ALPL: variants seen among roughly 807,000 people sequenced by gnomAD.
ALPL encodes alkaline phosphatase, tissue-nonspecific isozyme.
A neutral mutation model predicts 51.3 loss-of-function variants in ALPL; 42 were observed. The observed-to-expected ratio is 0.82, with a 90% CI of 0.64 to 1.06. ALPL has a LOEUF of 1.06. Ranked by LOEUF, ALPL falls within the 50% of genes least tolerant of loss-of-function variation. ALPL has a pLI of 0.00. For synonymous variants in ALPL, 279 were observed against 296.4 expected (o/e 0.94, Z 0.60); for missense variants, 589 against 709.4 (o/e 0.83, Z 1.93).
chr1:21,564,554 C>T lies in ALPL; in HGVS notation c.648+338C>T, dbSNP rs935325675. Among the ~76,000 whole-genome samples the T allele has an allele frequency of 6.6e-6, 1 of 152,190 alleles. No individual in the cohort carries two copies. The highest frequency in any genetic ancestry group is 6.5e-5 in the Admixed American group (1 of 15,284). ...GGCCAAGTGTCGTCTGCCTGCCCTGCGTATTCACATGGTCACAGATGGGTA... is the reference window on the plus strand; with the variant it reads ...GGCCAAGTGTCGTCTGCCTGCCCTGTGTATTCACATGGTCACAGATGGGTA... On this transcript the variant is annotated intron_variant, in intron 6 of 11. Coordinates refer to ENST00000374840, the MANE Select transcript of ALPL (RefSeq NM_000478.6). The surrounding 1 kb of genome is among the most constrained non-coding windows in gnomAD (Gnocchi z 5.8).
At position 21,564,356 on chromosome 1, in the gene ALPL, G is replaced by A; in HGVS notation, c.648+140G>A. On this transcript the variant is annotated intron_variant, in intron 6 of 11. Transcript: ENST00000374840. The surrounding 1 kb of genome is among the most constrained non-coding windows in gnomAD (Gnocchi z 5.8). ...CCTGGGAGGCTCCCAGCCCATTAGG[G>A]GATTTGCGGTTGGGCAGGCAGGCAC... The A allele has an allele frequency of 8.8e-7, 1 of 1,140,872 alleles. No individual in the cohort carries two copies. The allele number at this position is 1,140,872 out of a possible 1,614,324, so 70.7% of individuals were successfully genotyped here. A position where few individuals can be genotyped will look rare whatever the true frequency, so the allele number is the denominator to read the frequency against.
intron 1 of ALPL, among the ~76,000 whole-genome samples, chr1:21,521,983 G>A (rs1162110204): frequency 3.9e-5 from 6 of 152,110 alleles, no homozygotes; most frequent in Non-Finnish European, 5.9e-5. Context: ...GAGTCCCTAA[G>A]TGAAAGGTCA....
At chr1:21,570,024 G>T (rs1570289027) in intron 7 of ALPL, among the ~76,000 whole-genome samples, 1 of 152,106 alleles carries the variant, frequency 6.6e-6, no homozygotes, top group African/African-American at 2.4e-5. Context: ...GTCCTCCAGG[G>T]ACCCATTAGA....
chr1:21,523,463 G>A (rs987264661), intron 1 of ALPL, among the ~76,000 whole-genome samples: 7 of 152,172 alleles, frequency 4.6e-5, no homozygotes, highest in African/African-American at 1.2e-4. Context: ...GTAGTTCCTG[G>A]TACCTCTGCT....
chr1:21,564,754 C>T lies in ALPL; in HGVS notation c.648+538C>T, dbSNP rs1644539266. On this transcript the variant is annotated intron_variant, in intron 6 of 11. Transcript: ENST00000374840. The surrounding 1 kb of genome is among the most constrained non-coding windows in gnomAD (Gnocchi z 5.8). ...TCTCTGAGGCTTCCCTTTCACAACT[C>T]CTTTGTGAACTGTACCTGCCTCATA... 6.6e-6 allele frequency among the ~76,000 whole-genome samples: 1 copy of T among 152,206 alleles called. No individual in the cohort carries two copies.
chr1:21,559,865 G>T (rs563492656), intron 2 of ALPL, among the ~76,000 whole-genome samples: 1 of 152,266 alleles, frequency 6.6e-6, no homozygotes, highest in East Asian at 1.9e-4. Flanking sequence ...GCTGTGGATT[G>T]GTTGCTGGAC....
At chr1:21,556,460 G>C (rs185279868) in intron 2 of ALPL, among the ~76,000 whole-genome samples, 172 of 152,070 alleles carry the variant, frequency 1.1e-3, no homozygotes, top group African/African-American at 3.3e-3. Flanking sequence ...GGGCAACATA[G>C]TGAGACCTCC....
intron 1 of ALPL, among the ~76,000 whole-genome samples, chr1:21,514,999 G>A (rs1269473543): frequency 6.6e-6 from 1 of 152,050 alleles, no homozygotes; most frequent in African/African-American, 2.4e-5. Flanking sequence ...ATAAGGCCGT[G>A]GAGACCCTGT....
At chr1:21,514,921 G>T (rs1435543437) in intron 1 of ALPL, among the ~76,000 whole-genome samples, 2 of 152,112 alleles carry the variant, frequency 1.3e-5, no homozygotes, top group Non-Finnish European at 2.9e-5. Flanking sequence ...CCTCCCCTAG[G>T]TCTCTATGCC....
At chr1:21,543,640 C>T (rs1423740814) in intron 1 of ALPL, among the ~76,000 whole-genome samples, 1 of 152,160 alleles carries the variant, frequency 6.6e-6, no homozygotes, top group Non-Finnish European at 1.5e-5. Context: ...CTTCATGCAC[C>T]GCCTAGTCAA....
At chr1:21,572,903 A>ATG (rs766594332) in intron 8 of ALPL, among the ~76,000 whole-genome samples, 3 of 148,600 alleles carry the variant, frequency 2.0e-5, no homozygotes, top group Non-Finnish European at 4.4e-5. Context: ...CAACATGTAA[A>ATG]TGCACACACA....
At chr1:21,512,216 G>GT (rs1643702644) in intron 1 of ALPL, among the ~76,000 whole-genome samples, 1 of 151,834 alleles carries the variant, frequency 6.6e-6, no homozygotes, top group Admixed American at 6.6e-5. Flanking sequence ...TGTTAGATTT[G>GT]TTTTTTTTCT....
intron 8 of ALPL, among the ~76,000 whole-genome samples, chr1:21,571,726 G>A (rs10917014): frequency 0.19 from 28,477 of 151,158 alleles, 3,234 homozygotes; most frequent in East Asian, 0.46. Context: ...GCAATGGCTC[G>A]CGCCTGTAAT....
intron 6 of ALPL, among the ~76,000 whole-genome samples, chr1:21,565,258 C>A (rs1478611189): frequency 6.6e-6 from 1 of 152,224 alleles, no homozygotes; most frequent in East Asian, 1.9e-4. Context: ...TAAGTACCCG[C>A]TTTCAGGACA....
At chr1:21,538,831 G>A (rs1275250363) in intron 1 of ALPL, among the ~76,000 whole-genome samples, 2 of 152,184 alleles carry the variant, frequency 1.3e-5, no homozygotes, top group African/African-American at 2.4e-5. Flanking sequence ...TGCAGGGCTG[G>A]CTACAAGATA....
At chr1:21,543,591 AAAAAC>A (rs988153222) in intron 1 of ALPL, among the ~76,000 whole-genome samples, 3 of 152,142 alleles carry the variant, frequency 2.0e-5, no homozygotes, top group African/African-American at 7.2e-5. Context: ...CCATCTGAAA[AAAAAC>A]AAAACAAAAC....
intron 1 of ALPL, among the ~76,000 whole-genome samples, chr1:21,548,858 A>T (rs1644285409): frequency 6.6e-6 from 1 of 152,194 alleles, no homozygotes; most frequent in East Asian, 1.9e-4. Context: ...GTTACACAGC[A>T]TTCTGTCCGT....
intron 1 of ALPL, among the ~76,000 whole-genome samples, chr1:21,519,229 A>G (rs1445007774): frequency 1.3e-5 from 2 of 152,180 alleles, no homozygotes; most frequent in East Asian, 3.9e-4. Flanking sequence ...TTGGGACTGA[A>G]CATGGGCACA....
intron 1 of ALPL, among the ~76,000 whole-genome samples, chr1:21,525,292 C>T (rs1643927464): frequency 6.6e-6 from 1 of 152,224 alleles, no homozygotes; most frequent in Non-Finnish European, 1.5e-5. Flanking sequence ...GCCTGCCAAC[C>T]TCCTCATCCC....
Sources: gnomAD v4.1 joint callset for allele counts (sites outside exome capture counted in the v4.1 genomes callset) on GRCh38, gnomAD v4.1.1 for gene constraint, Gnocchi (gnomAD v3.1) non-coding constraint, MANE v1.5 for transcripts, NCBI Gene and HGNC (gene_info 2026-07-23, HGNC 2026-07-21) for gene names.